DGKB: variants seen among roughly 807,000 people sequenced by gnomAD.
DGKB encodes diacylglycerol kinase beta.
Under a neutral mutation model 114.3 loss-of-function variants are expected in DGKB, and 67 were observed. The observed-to-expected ratio is 0.59, with a 90% confidence interval of 0.48 to 0.72. The LOEUF (loss-of-function observed/expected upper bound fraction) is 0.72. DGKB is among the 30% of genes least tolerant of loss of function. The probability of loss-of-function intolerance (pLI) is 0.00; values close to 1 mark genes in which losing one functional copy is unlikely to be tolerated. For synonymous variants in DGKB, 398 were observed against 323.1 expected (o/e 1.23, Z -2.49); for missense variants, 907 against 975.2 (o/e 0.93, Z 0.93).
At chr7:14,724,000 C>G (rs923389392) in intron 5 of DGKB, among the ~76,000 whole-genome samples, 5 of 152,026 alleles carry the variant, frequency 3.3e-5, no homozygotes, top group African/African-American at 1.2e-4. Context: ...TGCCTCTGGT[C>G]CAGTTTGTTT....
chr7:14,360,331 G>A (rs989385744), intron 21 of DGKB, among the ~76,000 whole-genome samples: 1 of 152,000 alleles, frequency 6.6e-6, no homozygotes, highest in African/African-American at 2.4e-5. Context: ...GGGGCTGGGG[G>A]AGAGATAGCT....
At chr7:14,874,669 G>A (rs1350924156) in intron 1 of DGKB, among the ~76,000 whole-genome samples, 1 of 151,932 alleles carries the variant, frequency 6.6e-6, no homozygotes, top group East Asian at 1.9e-4. Context: ...TAAAAGAAGT[G>A]GGGGAATATT....
At chr7:14,731,104 G>A (rs1438343805) in intron 5 of DGKB, among the ~76,000 whole-genome samples, 2 of 152,196 alleles carry the variant, frequency 1.3e-5, no homozygotes, top group African/African-American at 4.8e-5. Context: ...TATGGGAAGT[G>A]ACGCAGCGGA....
intron 23 of DGKB, among the ~76,000 whole-genome samples, chr7:14,296,672 A>G (rs2128480685): frequency 6.6e-6 from 1 of 152,124 alleles, no homozygotes; most frequent in South Asian, 2.1e-4. Flanking sequence ...AAAAGCTAGC[A>G]GAAGACAAGA....
intron 23 of DGKB, among the ~76,000 whole-genome samples, chr7:14,313,646 C>T (rs1297605237): frequency 1.3e-5 from 2 of 152,128 alleles, no homozygotes; most frequent in Non-Finnish European, 1.5e-5. Flanking sequence ...CACGGAGTCT[C>T]GCTGATTGCT....
At chr7:14,413,741 A>T (rs1825264869) in intron 21 of DGKB, among the ~76,000 whole-genome samples, 2 of 152,172 alleles carry the variant, frequency 1.3e-5, no homozygotes, top group Non-Finnish European at 2.9e-5. Flanking sequence ...GATGGAAGTC[A>T]TTGGCACCCA....
At chr7:14,470,012 C>G (rs962817185) in intron 21 of DGKB, among the ~76,000 whole-genome samples, 2 of 151,674 alleles carry the variant, frequency 1.3e-5, no homozygotes, top group Non-Finnish European at 2.9e-5. Flanking sequence ...GAAAAACTGG[C>G]CTCATGATAA....
chr7:14,899,562 C>T (rs560227070), intron 1 of DGKB, among the ~76,000 whole-genome samples: 1 of 152,098 alleles, frequency 6.6e-6, no homozygotes, highest in South Asian at 2.1e-4. Context: ...CTTTTTATAC[C>T]TCTCTGTGTT....
intron 2 of DGKB, among the ~76,000 whole-genome samples, chr7:14,830,200 G>T (rs1034163274): frequency 6.6e-6 from 1 of 151,962 alleles, no homozygotes; most frequent in African/African-American, 2.4e-5. Context: ...CAGCTAATCT[G>T]ATATTAGTAA....
rs1801724813 is a variant in DGKB at position 14,291,251 on chromosome 7, A to G, written c.2122+47264T>C. Among the ~76,000 whole-genome samples, 3 of 152,026 alleles carry G rather than the reference A, an allele frequency of 2.0e-5. No homozygotes were observed. The South Asian group carries it at 6.2e-4, about 31-fold the overall frequency. On this transcript the variant is annotated intron_variant, in intron 23 of 25. Transcript: ENST00000402815. The stretch of plus-strand genomic sequence containing the variant: ...CCATGAACAGCAGATCCATGGTGCT[A>G]CCATTAAAGTATTAGGGAGGAATTG...
At chr7:14,278,079 T>C (rs1799297929) in intron 23 of DGKB, among the ~76,000 whole-genome samples, 1 of 152,170 alleles carries the variant, frequency 6.6e-6, no homozygotes, top group Non-Finnish European at 1.5e-5. Flanking sequence ...TTTTCAGAAA[T>C]GTCTACAGAT....
At chr7:14,266,079 C>T (rs1412764899) in intron 23 of DGKB, among the ~76,000 whole-genome samples, 11 of 152,154 alleles carry the variant, frequency 7.2e-5, no homozygotes, top group Middle Eastern at 3.4e-3. Context: ...TTTTCTGTGG[C>T]GGCCTGTTCC....
chr7:14,395,966 T>C (rs1198345815), intron 21 of DGKB, among the ~76,000 whole-genome samples: 2 of 152,050 alleles, frequency 1.3e-5, no homozygotes, highest in African/African-American at 2.4e-5. Context: ...AAATTATACA[T>C]TTGAAGGACT....
At chr7:14,668,504 C>T (rs1818431558) in intron 13 of DGKB, among the ~76,000 whole-genome samples, 1 of 152,042 alleles carries the variant, frequency 6.6e-6, no homozygotes, top group African/African-American at 2.4e-5. Flanking sequence ...ATTTACTTAA[C>T]CTCTTTGTTT....
intron 23 of DGKB, among the ~76,000 whole-genome samples, chr7:14,302,238 C>A (rs1046095575): frequency 6.6e-6 from 1 of 151,916 alleles, no homozygotes; most frequent in African/African-American, 2.4e-5. Context: ...TAATAAAAGG[C>A]AAGATAATGG....
chr7:14,226,277 A>G (rs961837469), intron 23 of DGKB, among the ~76,000 whole-genome samples: 5 of 151,972 alleles, frequency 3.3e-5, no homozygotes, highest in African/African-American at 1.2e-4. Context: ...CTTGATTCTT[A>G]GATTTAAAGC....
chr7:14,658,488 G>T (rs914507769), intron 13 of DGKB, among the ~76,000 whole-genome samples: 1 of 151,756 alleles, frequency 6.6e-6, no homozygotes, highest in Non-Finnish European at 1.5e-5. Flanking sequence ...TTAGATAGAA[G>T]AAATAAATTT....
intron 20 of DGKB, among the ~76,000 whole-genome samples, chr7:14,521,553 TTA>T (rs1789774908): frequency 6.6e-6 from 1 of 152,176 alleles, no homozygotes; most frequent in South Asian, 2.1e-4. Context: ...TAGTGAATTT[TTA>T]TATTTTTCCG....
intron 23 of DGKB, among the ~76,000 whole-genome samples, chr7:14,305,043 T>C (rs1244863590): frequency 1.3e-5 from 2 of 152,186 alleles, no homozygotes; most frequent in African/African-American, 4.8e-5. Flanking sequence ...GTACATATGA[T>C]ATTTTCACAT....
Sources: allele counts gnomAD v4.1 joint callset (sites outside exome capture counted in the v4.1 genomes callset), GRCh38; gene constraint gnomAD v4.1.1; transcripts MANE v1.5; gene names NCBI Gene and HGNC (gene_info 2026-07-23, HGNC 2026-07-21).